AP1M2: variants seen among roughly 807,000 people sequenced by gnomAD.
AP1M2 encodes AP-1 complex subunit mu-2.
In AP1M2, 41 loss-of-function variants were observed where a neutral mutation model predicts 54.6. The ratio of observed to expected loss-of-function variants is 0.75; its 90% CI spans 0.59 to 0.97. AP1M2 has a LOEUF of 0.97. Among genes scored for constraint, AP1M2 ranks in the 50% least tolerant of loss-of-function variants. The pLI, the probability that AP1M2 is intolerant of heterozygous loss-of-function variation, is 0.00. For synonymous variants in AP1M2, 219 were observed against 215.9 expected, an observed-to-expected ratio of 1.01 and a Z score of -0.13; for missense variants, 507 against 561.2, an observed-to-expected ratio of 0.90 and a Z score of 0.98.
intron 1 of AP1M2, among the ~76,000 whole-genome samples, chr19:10,584,410 C>T (rs1188660836): frequency 6.6e-6 from 1 of 152,160 alleles, no homozygotes; most frequent in Non-Finnish European, 1.5e-5. Flanking sequence ...GAAACCCCGT[C>T]TTTACTAAAA....
chr19:10,577,427 T>C, intron 8 of AP1M2, 71 bp from the exon 9 acceptor site: 6 of 534,404 alleles, frequency 1.1e-5, no homozygotes, highest in East Asian at 4.5e-4. Flanking sequence ...CAAGCCCTTT[T>C]TTTTTTTTTT....
rs1379127483 is a variant in AP1M2, at chr19:10,578,883, A to G, written c.888+9T>C. The G allele has an allele frequency of 6.2e-7, 1 of 1,603,422 alleles. No homozygotes were observed. The highest frequency in any genetic ancestry group is 8.5e-7 in the Non-Finnish European group (1 of 1,174,906). On this transcript the variant is annotated intron_variant, in intron 8 of 11. Transcript: ENST00000250244. ...ATGCATTGTTAATAAGCATTCCCCC[A>G]AGGCCCACCTTGACCATGATCTCCA...
intron 6 of AP1M2, among the ~76,000 whole-genome samples, chr19:10,580,877 C>T (rs1251105248): frequency 2.0e-5 from 3 of 151,858 alleles, no homozygotes; most frequent in African/African-American, 4.8e-5. Flanking sequence ...ATCAGTTGAG[C>T]CTCGGAGGTC....
In AP1M2 at chr19:10,574,953, G is replaced by A. The variant is rs772046920; in HGVS notation, c.1124C>T (p.Pro375Leu). The A allele has an allele frequency of 9.4e-6, 15 of 1,595,392 alleles. No homozygotes were observed. Among genetic ancestry groups the A allele is most frequent in the Admixed American group, 3.5e-5 (2 of 57,962 alleles). ...VEKEEVEGRP[P>L]IGVKFEIPYF... ...GGGGATCTCAAACTTGACCCCGATG[G>A]GGGGCCGGCCCTCCACCTCTTCCTT... The change falls in exon 10 of 12, where the codon CCC becomes CTC. Residue 375 changes from proline to leucine, a missense_variant. By Grantham distance (98) the Pro-to-Leu change is moderately conservative. Coordinates refer to ENST00000250244, the MANE Select transcript of AP1M2 (RefSeq NM_005498.5).
In AP1M2 at chr19:10,574,976, C is replaced by A; in HGVS notation, c.1101G>T (p.Lys367Asn). ...TGGGGGGCCGGCCCTCCACCTCTTC[C>A]TTTTCCACACTGGGGAGGCCAAAGT... ...RAHFGLPSVE[K>N]EEVEGRPPIG... The change falls in exon 10 of 12, where the codon AAG becomes AAT. Residue 367 changes from lysine to asparagine, a missense_variant. Coordinates refer to ENST00000250244, the MANE Select transcript of AP1M2 (RefSeq NM_005498.5). 6.3e-7 allele frequency: 1 copy of A among 1,576,056 alleles called. No individual in the cohort carries two copies. The highest frequency in any genetic ancestry group is 8.6e-7 in the Non-Finnish European group (1 of 1,159,412).
chr19:10,579,579 C>G (rs1917366998), intron 7 of AP1M2, 137 bp downstream of exon 7: 3 of 992,482 alleles, frequency 3.0e-6, no homozygotes, highest in Admixed American at 5.5e-5. Context: ...GTCTCGAACT[C>G]CTGTCCTCAA....
Position 10,581,545 on chromosome 19 carries a change from C to A in AP1M2, c.488G>T (p.Gly163Val). The change falls in exon 5 of 12, where the codon GGT becomes GTT. Residue 163 changes from glycine to valine, a missense_variant. By Grantham distance (109) the Gly-to-Val change is moderately radical. Transcript: ENST00000250244. ...GACCTCGTTCTTCTTATACTTGATA[C>A]CCTCGGAGCGCCAGGACACAGCGTT... ...VTNAVSWRSE[G>V]IKYKKNEVFI... 1 of 1,613,826 alleles carries A rather than the reference C, an allele frequency of 6.2e-7. No individual in the cohort carries two copies. Among genetic ancestry groups the A allele is most frequent in the African/African-American group, 1.3e-5 (1 of 75,042 alleles).
chr19:10,582,027 AC>A, intron 3 of AP1M2, 149 bp from the exon 4 acceptor site: 1 of 822,684 alleles, frequency 1.2e-6, no homozygotes, highest in East Asian at 3.0e-5. Context: ...AATATAGTGA[AC>A]CCCTATCTCG....
chr19:10,585,526 G>A lies in AP1M2; in HGVS notation c.43-1456C>T, dbSNP rs541412190. Among the ~76,000 whole-genome samples, 19 of 151,600 alleles carry A rather than the reference G, an allele frequency of 1.3e-4. 1 individual carries two copies. Among genetic ancestry groups the A allele is most frequent in the African/African-American group, 2.7e-4 (11 of 41,348 alleles). The stretch of plus-strand genomic sequence containing the variant: ...ATCCAGGCCAACATGATGAAACCCC[G>A]TCTCTACTAAAAATACAAAAATTAG... On this transcript the variant is annotated intron_variant, in intron 1 of 11. Coordinates refer to ENST00000250244, the MANE Select transcript of AP1M2 (RefSeq NM_005498.5).
chr19:10,578,341 G>C (rs947994619), intron 8 of AP1M2, among the ~76,000 whole-genome samples: 17 of 152,042 alleles, frequency 1.1e-4, no homozygotes, highest in Admixed American at 1.1e-3. Context: ...ATGGAGGCAG[G>C]CGTGGCGGCA....
Position 10,581,854 on chromosome 19 carries a change from G to A in AP1M2, c.292C>T (p.Leu98=), listed in dbSNP as rs764760419. ...TTGTCCCGGATGCTCTCCTCCTCCA[G>A]CTCCTTGAAGTATTCGCAGAATACC... ...IEVFCEYFKE[L]EEESIRDNFV... Residue 98 remains leucine (L), a synonymous_variant, in exon 4 of 12, where the codon CTG becomes TTG. Transcript: ENST00000250244. 6.2e-7 allele frequency: 1 copy of A among 1,613,440 alleles called. No individual in the cohort carries two copies. The highest frequency in any genetic ancestry group is 1.7e-4 in the Middle Eastern group (1 of 6,056).
intron 1 of AP1M2, chr19:10,585,018 C>A (rs1208863936): frequency 6.6e-6 from 1 of 151,322 alleles, no homozygotes; most frequent in Non-Finnish European, 1.5e-5. Flanking sequence ...AGTTTGAGAC[C>A]AGCTTTGGCA....
At chr19:10,583,731 A>G (rs751733294) in intron 2 of AP1M2, 58 bp from the exon 3 acceptor site, 3 of 1,552,856 alleles carry the variant, frequency 1.9e-6, no homozygotes, top group Non-Finnish European at 1.8e-6. Context: ...TGGAATACAG[A>G]CCCCGAACCT....
rs147946810 is a variant in AP1M2 at position 10,582,987 on chromosome 19, G to A, written c.267+619C>T. ...ATTACAGGCAGGTGCCACCATACCC[G>A]GCTAATTTTTGTATTTTTAGTAGAG... On this transcript the variant is annotated intron_variant, in intron 3 of 11. Coordinates refer to ENST00000250244, the MANE Select transcript of AP1M2 (RefSeq NM_005498.5). 4.0e-3 allele frequency among the ~76,000 whole-genome samples: 607 copies of A among 151,710 alleles called. 5 individuals are homozygous for A. The highest frequency in any genetic ancestry group is 5.3e-3 in the Non-Finnish European group (362 of 67,870).
Position 10,574,984 on chromosome 19 carries a change from C to T in AP1M2, c.1093G>A (p.Val365Met). The T allele has an allele frequency of 1.3e-6, 2 of 1,566,346 alleles. No homozygotes were observed. The highest frequency in any genetic ancestry group is 8.7e-7 in the Non-Finnish European group (1 of 1,154,492). The change falls in exon 10 of 12, where the codon GTG (valine) becomes ATG (methionine). Residue 365 changes from valine to methionine, a missense_variant. Coordinates refer to ENST00000250244, the MANE Select transcript of AP1M2 (RefSeq NM_005498.5). The part of the protein sequence containing the change: ...LMRAHFGLPS[V>M]EKEEVEGRPP... The stretch of plus-strand genomic sequence containing the variant: ...CGGCCCTCCACCTCTTCCTTTTCCA[C>T]ACTGGGGAGGCCAAAGTGGGCTCGC...
intron 3 of AP1M2, 53 bp from the exon 4 acceptor site, chr19:10,581,931 T>C: frequency 1.3e-6 from 2 of 1,511,862 alleles, no homozygotes; most frequent in Non-Finnish European, 1.8e-6. Flanking sequence ...GGGTTGGGCA[T>C]AGTAGCTCAT....
Position 10,573,138 on chromosome 19 carries a change from G to A in AP1M2, c.1250-50C>T, listed in dbSNP as rs369930144. ...CCATCTCAGAAATGGGGAGAGGGGG[G>A]CCGGGCACGGTGACTCACGCTTATA... On this transcript the variant is annotated intron_variant, in intron 11 of 11. Transcript: ENST00000250244. The A allele has an allele frequency of 1.1e-5, 16 of 1,513,402 alleles. No individual in the cohort carries two copies. In the African/African-American group the frequency reaches 1.7e-4, roughly 16 times the overall value. The allele number at this position is 1,513,402 out of a possible 1,614,324, so 93.7% of individuals were successfully genotyped here.
intron 9 of AP1M2, among the ~76,000 whole-genome samples, chr19:10,575,536 G>C (rs1917201136): frequency 1.3e-5 from 2 of 152,158 alleles, no homozygotes; most frequent in South Asian, 2.1e-4. Context: ...TCCTTAAGTG[G>C]AAATGGGTTT....
intron 1 of AP1M2, among the ~76,000 whole-genome samples, chr19:10,586,758 T>C (rs1917666240): frequency 6.6e-6 from 1 of 151,758 alleles, no homozygotes; most frequent in Non-Finnish European, 1.5e-5. Flanking sequence ...ACAAGAGGAA[T>C]AAAAGGACTT....
Sources: allele counts gnomAD v4.1 joint callset (sites outside exome capture counted in the v4.1 genomes callset), GRCh38; gene constraint gnomAD v4.1.1; transcripts MANE v1.5; gene names NCBI Gene and HGNC (gene_info 2026-07-23, HGNC 2026-07-21).